Variants in TMEM63C observed in about 807,000 individuals in gnomAD.
TMEM63C encodes the protein transmembrane protein 63C, also known as osmosensitive cation channel TMEM63C.
In TMEM63C, 32 loss-of-function variants were observed where a neutral mutation model predicts 99.2. The ratio of observed to expected loss-of-function variants is 0.32; its 90% CI spans 0.24 to 0.43. TMEM63C has a LOEUF of 0.43. Ranked by LOEUF, TMEM63C falls within the 20% of genes least tolerant of loss-of-function variation. TMEM63C has a pLI of 1.00. For missense variants in TMEM63C, 826 were observed against 1,053.0 expected, an observed-to-expected ratio of 0.78 and a Z score of 2.98; for synonymous variants, 376 against 397.9, an observed-to-expected ratio of 0.94 and a Z score of 0.66.
intron 1 of TMEM63C, among the ~76,000 whole-genome samples, chr14:77,199,725 C>T (rs981062417): frequency 6.6e-6 from 1 of 152,152 alleles, no homozygotes; most frequent in Non-Finnish European, 1.5e-5. Flanking sequence ...TCTTGTGTCT[C>T]CACCTGGCTG....
At position 77,242,394 on chromosome 14, in the gene TMEM63C, A is replaced by G; in HGVS notation, c.1112A>G (p.Gln371Arg). 6.2e-7 allele frequency: 1 copy of G among 1,613,408 alleles called. No homozygotes were observed. Among genetic ancestry groups the G allele is most frequent in the Non-Finnish European group, 8.5e-7 (1 of 1,179,804 alleles). The part of the protein sequence containing the change: ...KYVQCGVQPQ[Q>R]SSVTTIVKSY... ...GTCCAGTGTGGTGTGCAACCCCAGC[A>G]GTCCTCAGTGACCACCATCGTCAAA... Residue 371 changes from glutamine (Q) to arginine (R), a missense_variant, in exon 14 of 24, where the codon CAG becomes CGG. Physicochemically the swap from Gln to Arg is conservative, Grantham distance 43. Transcript: ENST00000298351.
intron 16 of TMEM63C, 52 bp downstream of exon 16, chr14:77,244,507 C>A: frequency 1.4e-6 from 2 of 1,446,596 alleles, no homozygotes; most frequent in Non-Finnish European, 1.9e-6. Context: ...GCCTCTTCCC[C>A]TGCCCTGGCT....
intron 1 of TMEM63C, among the ~76,000 whole-genome samples, chr14:77,210,346 T>A (rs574001673): frequency 6.6e-6 from 1 of 152,144 alleles, no homozygotes; most frequent in South Asian, 2.1e-4. Flanking sequence ...AATCCACCAC[T>A]TTCCCCAGCC....
chr14:77,232,593 CAT>C (rs1888964419), intron 7 of TMEM63C, among the ~76,000 whole-genome samples: 1 of 152,206 alleles, frequency 6.6e-6, no homozygotes, highest in South Asian at 2.1e-4. Flanking sequence ...TGGCCACTAA[CAT>C]GTGATTTAAC....
intron 3 of TMEM63C, 99 bp from the exon 4 acceptor site, chr14:77,219,399 C>T (rs1232220296): frequency 8.1e-6 from 10 of 1,229,488 alleles, no homozygotes; most frequent in Non-Finnish European, 1.1e-5. Flanking sequence ...TCCCTGGGGA[C>T]CTCAGGGACA....
rs932899586 is a variant in TMEM63C, at chr14:77,186,795, G to C, written c.-77+4901G>C. Among the ~76,000 whole-genome samples, 7 of 121,702 alleles carry C rather than the reference G, an allele frequency of 5.8e-5. 1 individual carries two copies. The East Asian group carries it at 8.9e-4, about 15-fold the overall frequency. 79.8% of individuals were successfully genotyped at this position (121,702 alleles called of 152,430 possible). A position where few individuals can be genotyped will look rare whatever the true frequency, so the allele number is the denominator to read the frequency against. On this transcript the variant is annotated intron_variant, in intron 1 of 23. Transcript: ENST00000298351. Reference sequence around the variant, plus strand: ...CAAAGGGGTGTGTGTGTGTGTGTGTGTGTGTCTGTGTGTGTGTGTGTGTGT... The same window carrying C: ...CAAAGGGGTGTGTGTGTGTGTGTGTCTGTGTCTGTGTGTGTGTGTGTGTGT...
chr14:77,231,246 C>T (rs1189974546), intron 6 of TMEM63C, among the ~76,000 whole-genome samples: 1 of 152,114 alleles, frequency 6.6e-6, no homozygotes, highest in African/African-American at 2.4e-5. Context: ...TTATCTGGTG[C>T]CTGCACCATA....
chr14:77,199,239 C>A (rs1566617385), intron 1 of TMEM63C, among the ~76,000 whole-genome samples: 1 of 152,190 alleles, frequency 6.6e-6, no homozygotes, highest in East Asian at 1.9e-4. Context: ...GGCTCAGAAT[C>A]AAGGCCAAAT....
At chr14:77,205,265 C>T (rs552531063) in intron 1 of TMEM63C, among the ~76,000 whole-genome samples, 2 of 152,198 alleles carry the variant, frequency 1.3e-5, no homozygotes, top group Non-Finnish European at 2.9e-5. Context: ...TTAAGGAGAG[C>T]GAAGAAAGCC....
chr14:77,247,349 T>C (rs1321573851), intron 18 of TMEM63C, among the ~76,000 whole-genome samples: 1 of 152,116 alleles, frequency 6.6e-6, no homozygotes, highest in South Asian at 2.1e-4. Context: ...TACAAGCACA[T>C]GCCACCATGC....
chr14:77,233,630 G>A (rs1888984135), intron 8 of TMEM63C, 130 bp downstream of exon 8: 1 of 936,720 alleles, frequency 1.1e-6, no homozygotes, highest in East Asian at 2.6e-5. Flanking sequence ...CTGGGAATCG[G>A]GTCCTGAGTG....
intron 1 of TMEM63C, among the ~76,000 whole-genome samples, chr14:77,198,405 T>G (rs543771510): frequency 6.6e-6 from 1 of 152,358 alleles, no homozygotes; most frequent in South Asian, 2.1e-4. Context: ...CCTCCTTATC[T>G]GGTGGAGAGA....
chr14:77,183,089 C>T (rs182172734), intron 1 of TMEM63C, among the ~76,000 whole-genome samples: 134 of 152,258 alleles, frequency 8.8e-4, no homozygotes, highest in African/African-American at 3.1e-3. Context: ...TTGTTCTTCT[C>T]CCTGGGACAG....
chr14:77,237,750 G>A (rs916411817), intron 9 of TMEM63C, among the ~76,000 whole-genome samples: 18 of 115,904 alleles, frequency 1.6e-4, no homozygotes, highest in Non-Finnish European at 3.8e-4. Flanking sequence ...GTGCAGAGAT[G>A]ACTGACGGGG....
intron 13 of TMEM63C, among the ~76,000 whole-genome samples, chr14:77,241,323 C>T (rs577304139): frequency 2.9e-4 from 44 of 152,154 alleles, no homozygotes; most frequent in African/African-American, 8.9e-4. Flanking sequence ...CTTCTCCTGC[C>T]GCAGGCCTCC....
At chr14:77,243,758 T>C (rs1414630052) in intron 15 of TMEM63C, among the ~76,000 whole-genome samples, 1 of 152,158 alleles carries the variant, frequency 6.6e-6, no homozygotes, top group Non-Finnish European at 1.5e-5. Context: ...AACACACATG[T>C]GCATGCGCAC....
At chr14:77,183,634 C>T (rs76308508) in intron 1 of TMEM63C, among the ~76,000 whole-genome samples, 2,549 of 152,252 alleles carry the variant, frequency 0.017, 77 homozygotes, top group African/African-American at 0.058. Flanking sequence ...GGGCCAGCAC[C>T]GGTTTACTCC....
At chr14:77,242,305 A>AC in intron 13 of TMEM63C, 42 bp from the exon 14 acceptor site, 1 of 974,966 alleles carries the variant, frequency 1.0e-6, no homozygotes, top group Non-Finnish European at 1.4e-6. Context: ...CCATCCCCCC[A>AC]CCCCCAGACC....
chr14:77,200,864 A>G (rs1486608290), intron 1 of TMEM63C, among the ~76,000 whole-genome samples: 3 of 152,108 alleles, frequency 2.0e-5, no homozygotes, highest in Admixed American at 6.5e-5. Context: ...CTCAAGGACA[A>G]TAGTTCCCCT....
Sources: gnomAD v4.1 joint callset for allele counts (sites outside exome capture counted in the v4.1 genomes callset) on GRCh38, gnomAD v4.1.1 for gene constraint, MANE v1.5 for transcripts, NCBI Gene and HGNC (gene_info 2026-07-23, HGNC 2026-07-21) for gene names.